ZNF385C: variants seen among roughly 807,000 people sequenced by gnomAD.
ZNF385C encodes the protein zinc finger protein 385C.
Under a neutral mutation model 35.4 loss-of-function variants are expected in ZNF385C, and 28 were observed. The observed-to-expected ratio is 0.79, with a 90% CI of 0.59 to 1.08. The LOEUF (loss-of-function observed/expected upper bound fraction) is 1.08. Among genes scored for constraint, ZNF385C ranks in the 50% least tolerant of loss-of-function variants. ZNF385C has a pLI of 0.00. For synonymous variants in ZNF385C, 248 were observed against 248.2 expected (o/e 1.00, Z 0.01); for missense variants, 605 against 595.6 (o/e 1.02, Z -0.16).
chr17:42,068,354 C>T (rs2053577361), intron 1 of ZNF385C, among the ~76,000 whole-genome samples: 1 of 152,198 alleles, frequency 6.6e-6, no homozygotes, highest in East Asian at 1.9e-4. Flanking sequence ...GGGCAGTGGA[C>T]TTGCTTCAAA....
At chr17:42,077,550 A>G (rs782568920) in intron 1 of ZNF385C, among the ~76,000 whole-genome samples, 18 of 152,188 alleles carry the variant, frequency 1.2e-4, no homozygotes, top group Non-Finnish European at 1.6e-4. Flanking sequence ...TTCAATAAGT[A>G]ACATTTCTAC....
At chr17:42,075,306 C>T (rs1555659158) in intron 1 of ZNF385C, among the ~76,000 whole-genome samples, 2 of 152,116 alleles carry the variant, frequency 1.3e-5, no homozygotes, top group South Asian at 4.1e-4. Flanking sequence ...CTCTCCCAAA[C>T]CCTGCTTTGG....
chr17:42,063,647 C>T (rs1257517626), intron 1 of ZNF385C, among the ~76,000 whole-genome samples: 4 of 152,090 alleles, frequency 2.6e-5, no homozygotes, highest in Non-Finnish European at 1.5e-5. Flanking sequence ...CTCGGAGGGC[C>T]GCAGAACATA....
In ZNF385C at chr17:42,027,071, C is replaced by T. The variant is rs373512856; in HGVS notation, c.1338G>A (p.Pro446=). 2.1e-5 allele frequency: 34 copies of T among 1,608,570 alleles called. No individual in the cohort carries two copies. The highest frequency in any genetic ancestry group is 2.6e-5 in the Non-Finnish European group (31 of 1,177,628). ...AGATGGCAGTGGCTGCGGTGGGGAG[C>T]GGGCTGGGCAGGAAGCGGGCTGCCA... ...KTLAARFLPS[P]LPTAATAICA... Residue 446 remains proline (P), a synonymous_variant, in exon 9 of 9, where the codon CCG becomes CCA. Coordinates refer to ENST00000692273, the MANE Select transcript of ZNF385C (RefSeq NM_001392013.1).
chr17:42,088,885 G>T (rs1301414690), intron 1 of ZNF385C, among the ~76,000 whole-genome samples: 1 of 152,008 alleles, frequency 6.6e-6, no homozygotes, highest in African/African-American at 2.4e-5. Flanking sequence ...GAGTGCAGTG[G>T]TGCGATCACA....
intron 1 of ZNF385C, among the ~76,000 whole-genome samples, chr17:42,079,770 A>G (rs1177221250): frequency 6.6e-6 from 1 of 152,190 alleles, no homozygotes; most frequent in Non-Finnish European, 1.5e-5. Flanking sequence ...AGGGATGGTG[A>G]TAAGACCATA....
intron 1 of ZNF385C, among the ~76,000 whole-genome samples, chr17:42,088,436 G>A (rs551973565): frequency 1.3e-5 from 2 of 152,384 alleles, no homozygotes; most frequent in African/African-American, 4.8e-5. Flanking sequence ...GTCACACCCA[G>A]AGGGCGGAGC....
At chr17:42,091,669 T>G (rs2053864331) in intron 1 of ZNF385C, among the ~76,000 whole-genome samples, 1 of 152,182 alleles carries the variant, frequency 6.6e-6, no homozygotes, top group South Asian at 2.1e-4. Context: ...CACCTCATCT[T>G]GCAGACCCAG....
At chr17:42,059,483 G>A (rs1001106023) in intron 2 of ZNF385C, among the ~76,000 whole-genome samples, 10 of 152,180 alleles carry the variant, frequency 6.6e-5, no homozygotes, top group South Asian at 4.2e-4. Flanking sequence ...GTGCCCCCAC[G>A]CCCCCGTTCT....
In ZNF385C at chr17:42,086,701, C is replaced by CAA. The variant is rs1184011274; in HGVS notation, c.-3+11707_-3+11708dup. On this transcript the variant is annotated intron_variant, in intron 1 of 8. Coordinates refer to ENST00000692273, the MANE Select transcript of ZNF385C (RefSeq NM_001392013.1). ...TGGGCAACAGAGTGAGATTCCATCT[C>CAA]AAAAAAAAAAAAAAAAAAATCCAAT... Among the ~76,000 whole-genome samples the CAA allele has an allele frequency of 3.4e-3, 230 of 66,696 alleles. 9 individuals are homozygous for CAA. The highest frequency in any genetic ancestry group is 5.6e-3 in the Admixed American group (33 of 5,908). The allele number at this position is 66,696 out of a possible 152,430, so 43.8% of individuals were successfully genotyped here.
At chr17:42,072,804 C>T (rs1056560965) in intron 1 of ZNF385C, among the ~76,000 whole-genome samples, 32 of 152,242 alleles carry the variant, frequency 2.1e-4, no homozygotes, top group African/African-American at 7.7e-4. Context: ...AGAGGGGAGA[C>T]TCGGAGGCTC....
chr17:42,057,507 CGCGCGCGTGT>C (rs1464468888), intron 2 of ZNF385C, among the ~76,000 whole-genome samples: 44 of 142,500 alleles, frequency 3.1e-4, no homozygotes, highest in African/African-American at 1.2e-3. Flanking sequence ...TGCGCGCGCG[CGCGCGCGTGT>C]GTGTGTGTGT....
chr17:42,051,209 C>T (rs1182523367), intron 2 of ZNF385C, among the ~76,000 whole-genome samples: 1 of 151,764 alleles, frequency 6.6e-6, no homozygotes, highest in Non-Finnish European at 1.5e-5. Flanking sequence ...GACCTTCCCA[C>T]CTGGTGGGAA....
intron 1 of ZNF385C, among the ~76,000 whole-genome samples, chr17:42,083,429 G>A (rs1404457777): frequency 1.3e-5 from 2 of 151,744 alleles, no homozygotes; most frequent in African/African-American, 2.4e-5. Flanking sequence ...GGATGGTCTC[G>A]ATCTCCTAAC....
chr17:42,028,868 T>C lies in ZNF385C; in HGVS notation c.882A>G (p.Glu294=). 6.4e-7 allele frequency: 1 copy of C among 1,550,626 alleles called. No homozygotes were observed. The highest frequency in any genetic ancestry group is 8.7e-7 in the Non-Finnish European group (1 of 1,146,988). ...AAAVGSSMSG[E]GRSEKGHLYC... is the part of the protein sequence containing the mutation. ...AGAGGTGCCCCTTCTCACTCCTGCC[T>C]TCCCCACTCATGCTGCTTCCCACGG... Residue 294 remains glutamate, a synonymous_variant, in exon 6 of 9, where the codon GAA becomes GAG. Transcript: ENST00000692273.
intron 2 of ZNF385C, among the ~76,000 whole-genome samples, chr17:42,051,935 C>T (rs1555657141): frequency 1.3e-5 from 2 of 152,124 alleles, no homozygotes; most frequent in Non-Finnish European, 2.9e-5. Context: ...CACGTGTGGC[C>T]GCCTGACTCC....
At chr17:42,046,293 T>G (rs1555656612) in intron 2 of ZNF385C, among the ~76,000 whole-genome samples, 3 of 152,094 alleles carry the variant, frequency 2.0e-5, no homozygotes. Flanking sequence ...AAAAGTTGGT[T>G]GTTTAAAAGA....
chr17:42,082,058 C>T (rs546157546), intron 1 of ZNF385C, among the ~76,000 whole-genome samples: 16 of 152,300 alleles, frequency 1.1e-4, no homozygotes, highest in African/African-American at 3.4e-4. Flanking sequence ...GCAAGTCCCC[C>T]GCCTTTCTCC....
chr17:42,032,655 G>A (rs1325573776), intron 4 of ZNF385C, among the ~76,000 whole-genome samples: 1 of 151,954 alleles, frequency 6.6e-6, no homozygotes, highest in African/African-American at 2.4e-5. Flanking sequence ...GCCAGGCACT[G>A]TGCCCGGGGT....
Sources: allele counts gnomAD v4.1 joint callset (sites outside exome capture counted in the v4.1 genomes callset), GRCh38; gene constraint gnomAD v4.1.1; transcripts MANE v1.5; gene names NCBI Gene and HGNC (gene_info 2026-07-23, HGNC 2026-07-21).